Variants in TMEM132E observed in about 807,000 individuals in gnomAD.
TMEM132E encodes the protein transmembrane protein 132E.
In TMEM132E, 49 loss-of-function variants were observed where a neutral mutation model predicts 78.5. The observed-to-expected ratio is 0.62, with a 90% CI of 0.50 to 0.79. The LOEUF is 0.79. Among genes scored for constraint, TMEM132E ranks in the 30% least tolerant of loss-of-function variants. TMEM132E has a pLI of 0.00. For missense variants in TMEM132E, 1,403 were observed against 1,470.9 expected (o/e 0.95, Z 0.75); for synonymous variants, 715 against 670.6 (o/e 1.07, Z -1.02).
At chr17:34,599,153 G>A (rs1249228386) in intron 1 of TMEM132E, among the ~76,000 whole-genome samples, 1 of 152,214 alleles carries the variant, frequency 6.6e-6, no homozygotes, top group African/African-American at 2.4e-5. Flanking sequence ...TGGGAGTGAG[G>A]TTCCTGGTTC....
chr17:34,610,271 C>A (rs1249348771), intron 1 of TMEM132E, among the ~76,000 whole-genome samples: 1 of 152,220 alleles, frequency 6.6e-6, no homozygotes, highest in African/African-American at 2.4e-5. Flanking sequence ...GTCTCCCTGG[C>A]AGTTCCCAGC....
intron 1 of TMEM132E, among the ~76,000 whole-genome samples, chr17:34,581,489 C>A (rs1905480324): frequency 6.6e-6 from 1 of 152,146 alleles, no homozygotes; most frequent in Non-Finnish European, 1.5e-5. Flanking sequence ...CCGCCCCCCG[C>A]CCCCGTCTCT....
At chr17:34,613,213 G>GCA (rs1906664586) in intron 1 of TMEM132E, among the ~76,000 whole-genome samples, 1 of 94,318 alleles carries the variant, frequency 1.1e-5, no homozygotes, top group Non-Finnish European at 2.5e-5. Flanking sequence ...ACACACACAC[G>GCA]CGCGCGCGCG....
Position 34,623,412 on chromosome 17 carries a change from C to CTT in TMEM132E, c.68-2715_68-2714insTT, listed in dbSNP as rs1220242757. ...GGGCTAGTACCCGCTCCCCCCCCCCCCCCCGTCCCTCTACAGCCTGGATAG... is the reference window on the plus strand; with the variant it reads ...GGGCTAGTACCCGCTCCCCCCCCCCCTTCCCCGTCCCTCTACAGCCTGGATAG... On this transcript the variant is annotated intron_variant, in intron 1 of 8. Coordinates refer to ENST00000631683, the MANE Select transcript of TMEM132E (RefSeq NM_001304438.2). Among the ~76,000 whole-genome samples, 542 of 147,404 alleles carry CTT rather than the reference C, an allele frequency of 3.7e-3. 5 individuals are homozygous for CTT. The highest frequency in any genetic ancestry group is 0.024 in the Admixed American group (353 of 14,940).
At chr17:34,613,795 G>C (rs926303889) in intron 1 of TMEM132E, among the ~76,000 whole-genome samples, 8 of 151,866 alleles carry the variant, frequency 5.3e-5, no homozygotes, top group Non-Finnish European at 7.4e-5. Context: ...TGGGGGGTTG[G>C]TGGCAGTTCT....
chr17:34,637,802 C>T lies in TMEM132E; in HGVS notation c.2795C>T (p.Ser932Phe). 1.2e-6 allele frequency: 2 copies of T among 1,613,224 alleles called. No individual in the cohort carries two copies. The highest frequency in any genetic ancestry group is 1.1e-5 in the South Asian group (1 of 91,086). Residue 932 changes from serine to phenylalanine, a missense_variant, in exon 9 of 9, where the codon TCT becomes TTT. Ser to Phe is a radical substitution (Grantham distance 155). Transcript: ENST00000631683. ...GAGGGCCAGACCAGCATGGACCACT[C>T]TCACCACTGGGTGTTCCTGGGCAAC... ...PPEGQTSMDH[S>F]HHWVFLGNGQ...
At chr17:34,621,949 G>A (rs1906975498) in intron 1 of TMEM132E, among the ~76,000 whole-genome samples, 1 of 152,086 alleles carries the variant, frequency 6.6e-6, no homozygotes, top group Non-Finnish European at 1.5e-5. Flanking sequence ...CTCCAGTCCT[G>A]GCCTGACCTC....
chr17:34,600,853 G>A (rs1266030975), intron 1 of TMEM132E, among the ~76,000 whole-genome samples: 1 of 152,224 alleles, frequency 6.6e-6, no homozygotes, highest in Admixed American at 6.5e-5. Flanking sequence ...ACCTGCAGAG[G>A]CAGAGCTGTG....
At chr17:34,635,962 T>A (rs372081933) in intron 7 of TMEM132E, 45 bp from the exon 8 acceptor site, 147 of 1,331,324 alleles carry the variant, frequency 1.1e-4, no homozygotes, top group Non-Finnish European at 1.3e-4. Flanking sequence ...GGCAGGGGGG[T>A]GTGCTTTCCT....
chr17:34,587,368 T>TG (rs1270220799), intron 1 of TMEM132E, among the ~76,000 whole-genome samples: 2 of 152,068 alleles, frequency 1.3e-5, no homozygotes, highest in East Asian at 1.9e-4. Context: ...GCTGTGGCAG[T>TG]GGGGGGGAAT....
At chr17:34,629,384 C>T (rs907908327) in intron 4 of TMEM132E, among the ~76,000 whole-genome samples, 180 bp downstream of exon 4, 4 of 152,096 alleles carry the variant, frequency 2.6e-5, no homozygotes, top group African/African-American at 7.2e-5. Flanking sequence ...TTATATTTGT[C>T]GGGCCATGAG....
In TMEM132E at chr17:34,597,836, C is replaced by T. The variant is rs573669308; in HGVS notation, c.67+16693C>T. On this transcript the variant is annotated intron_variant, in intron 1 of 8. Transcript: ENST00000631683. The stretch of plus-strand genomic sequence containing the variant: ...CACACTTCCTGCCCATGGAGATCTG[C>T]CATCTCCTGGTCACTGGGGGCTGAG... 1.8e-4 allele frequency among the ~76,000 whole-genome samples: 28 copies of T among 152,266 alleles called. 1 individual carries two copies. Among genetic ancestry groups the T allele is most frequent in the Admixed American group, 1.6e-3 (25 of 15,298 alleles).
At chr17:34,622,229 G>A (rs1011490762) in intron 1 of TMEM132E, among the ~76,000 whole-genome samples, 26 of 152,190 alleles carry the variant, frequency 1.7e-4, no homozygotes, top group Non-Finnish European at 3.2e-4. Flanking sequence ...AACGCTTCCA[G>A]GGCCTTCTCC....
intron 1 of TMEM132E, among the ~76,000 whole-genome samples, chr17:34,599,006 C>T (rs1238321887): frequency 6.6e-6 from 1 of 152,232 alleles, no homozygotes; most frequent in Non-Finnish European, 1.5e-5. Flanking sequence ...GACACTTGCT[C>T]ATAGGAGCTG....
chr17:34,596,853 CAAAAAAAAAAA>C (rs35038070), intron 1 of TMEM132E, among the ~76,000 whole-genome samples: 1 of 72,366 alleles, frequency 1.4e-5, no homozygotes, highest in Non-Finnish European at 2.7e-5. Flanking sequence ...CTAAGTAGCT[CAAAAAAAAAAA>C]AAAAAAAAAA....
At chr17:34,592,222 C>A in intron 1 of TMEM132E, among the ~76,000 whole-genome samples, 1 of 152,012 alleles carries the variant, frequency 6.6e-6, no homozygotes, top group East Asian at 1.9e-4. Context: ...TCCCCACTTT[C>A]CTTCCCAGGA....
At chr17:34,629,785 G>A (rs370550849) in intron 4 of TMEM132E, among the ~76,000 whole-genome samples, 6 of 152,256 alleles carry the variant, frequency 3.9e-5, no homozygotes, top group African/African-American at 1.4e-4. Context: ...AGCACAGTGA[G>A]GTGGACCCTG....
chr17:34,605,242 T>G (rs1466828302), intron 1 of TMEM132E, among the ~76,000 whole-genome samples: 1 of 152,128 alleles, frequency 6.6e-6, no homozygotes, highest in Non-Finnish European at 1.5e-5. Flanking sequence ...GCATGAATCG[T>G]GTAATAAGTG....
intron 1 of TMEM132E, among the ~76,000 whole-genome samples, chr17:34,618,062 C>T (rs9916362): frequency 0.66 from 100,643 of 152,050 alleles, 33,710 homozygotes; most frequent in East Asian, 0.91. Context: ...ATTTTGTGAA[C>T]ATTTTCCCAT....
Sources: gnomAD v4.1 joint callset for allele counts (sites outside exome capture counted in the v4.1 genomes callset) on GRCh38, gnomAD v4.1.1 for gene constraint, MANE v1.5 for transcripts, NCBI Gene and HGNC (gene_info 2026-07-23, HGNC 2026-07-21) for gene names.